The following RRP36 variants were observed in gnomAD, a reference collection of about 807,000 sequenced individuals.
RRP36 encodes the protein ribosomal RNA processing protein 36 homolog.
RRP36 carries 44 observed loss-of-function variants against 39.8 expected under a neutral mutation model. That is an observed-to-expected ratio of 1.10 (90% CI 0.87 to 1.42). The LOEUF (loss-of-function observed/expected upper bound fraction) is 1.42. RRP36 is among the 40% of genes most tolerant of loss of function. RRP36 has a pLI of 0.00. For synonymous variants in RRP36, 124 were observed against 123.1 expected, an observed-to-expected ratio of 1.01 and a Z score of -0.05; for missense variants, 316 against 322.4, an observed-to-expected ratio of 0.98 and a Z score of 0.15.
chr6:43,029,289 T>C lies in RRP36; in HGVS notation c.*61T>C. The C allele has an allele frequency of 2.5e-6, 4 of 1,590,504 alleles. No homozygotes were observed. The highest frequency in any genetic ancestry group is 3.4e-6 in the Non-Finnish European group (4 of 1,163,094). On this transcript the variant is annotated 3_prime_UTR_variant, in exon 7 of 7. Transcript: ENST00000244496. Reference sequence around the variant, plus strand: ...GAGACATGGATCTGTGAGGACAGATTTGGCCACGGCTGGTTTCCGTTCAAG... The same window carrying C: ...GAGACATGGATCTGTGAGGACAGATCTGGCCACGGCTGGTTTCCGTTCAAG...
At chr6:43,027,331 C>A in intron 5 of RRP36, 29 bp from the exon 6 acceptor site, 2 of 1,610,774 alleles carry the variant, frequency 1.2e-6, no homozygotes, top group South Asian at 1.1e-5. Flanking sequence ...AGATCCCTCC[C>A]GTTCACCCAT....
chr6:43,027,762 TAC>T (rs57851236), intron 6 of RRP36, among the ~76,000 whole-genome samples: 2,823 of 81,372 alleles, frequency 0.035, 49 homozygotes, highest in South Asian at 0.047. Flanking sequence ...TGGTCTACAC[TAC>T]ACACACACAC....
chr6:43,025,984 A>C, intron 3 of RRP36, 53 bp from the exon 4 acceptor site: 1 of 1,349,062 alleles, frequency 7.4e-7, no homozygotes, highest in Non-Finnish European at 1.0e-6. Context: ...ACTTTTTCTC[A>C]GTGAAAGGAG....
At chr6:43,025,837 G>A (rs1326689106) in intron 3 of RRP36, among the ~76,000 whole-genome samples, 200 bp from the exon 4 acceptor site, 1 of 152,034 alleles carries the variant, frequency 6.6e-6, no homozygotes, top group African/African-American at 2.4e-5. Context: ...GGAGGCTGAG[G>A]CAGGAGAATG....
intron 6 of RRP36, 68 bp downstream of exon 6, chr6:43,027,545 T>G (rs1278044501): frequency 7.6e-7 from 1 of 1,308,826 alleles, no homozygotes; most frequent in Admixed American, 1.8e-5. Context: ...AGTCTTGTGT[T>G]GGGGTGTCCC....
Position 43,021,663 on chromosome 6 carries a change from A to C in RRP36, c.9A>C (p.Gly3=), listed in dbSNP as rs1762711337. ...AGCGCTACTGCCAGCTGATGCCGGG[A>C]GCTAACTACCGCGCCGGGGCCGGGG... The part of the protein sequence containing the change: MP[G]ANYRAGAGAG... Residue 3 remains glycine, a synonymous_variant, in exon 1 of 7, where the codon GGA becomes GGC. Transcript: ENST00000244496. 4 of 1,275,336 alleles carry C rather than the reference A, an allele frequency of 3.1e-6. No individual in the cohort carries two copies. Among genetic ancestry groups the C allele is most frequent in the Middle Eastern group, 3.1e-4 (1 of 3,244 alleles). The allele number at this position is 1,275,336 out of a possible 1,614,324, so 79.0% of individuals were successfully genotyped here. A position where few individuals can be genotyped will look rare whatever the true frequency, so the allele number is the denominator to read the frequency against.
intron 6 of RRP36, among the ~76,000 whole-genome samples, chr6:43,027,780 C>CACAAACACACAA: frequency 7.4e-6 from 1 of 135,356 alleles, no homozygotes; most frequent in Non-Finnish European, 1.5e-5. Flanking sequence ...CACACACACA[C>CACAAACACACAA]ACACACACAC....
At chr6:43,025,939 C>CAA in intron 3 of RRP36, 98 bp from the exon 4 acceptor site, 2 of 871,850 alleles carry the variant, frequency 2.3e-6, no homozygotes, top group Non-Finnish European at 3.5e-6. Flanking sequence ...TCTCAAAAAG[C>CAA]AAAAAAAAAG....
Position 43,027,476 on chromosome 6 carries a change from A to C in RRP36, c.642A>C (p.Lys214Asn). The change falls in exon 6 of 7, where the codon AAA becomes AAC. Residue 214 changes from lysine (K) to asparagine (N), a missense_variant and splice_region_variant. Lys to Asn is a moderately conservative substitution (Grantham distance 94). Transcript: ENST00000244496. Reference sequence around the variant, plus strand: ...GCCATCGGCCATACTTCCTGAAAAAATGTGAGTTGGGCACAACTGTTGCTA... The same window carrying C: ...GCCATCGGCCATACTTCCTGAAAAACTGTGAGTTGGGCACAACTGTTGCTA... ...QQGHRPYFLK[K>N]SEQRQLALAE... is the part of the protein sequence containing the mutation. 1 of 1,612,924 alleles carries C rather than the reference A, an allele frequency of 6.2e-7. No homozygotes were observed. Among genetic ancestry groups the C allele is most frequent in the African/African-American group, 1.3e-5 (1 of 75,020 alleles).
Position 43,025,296 on chromosome 6 carries a change from A to G in RRP36, c.312A>G (p.Pro104=), listed in dbSNP as rs1315251583. ...PLEMSAKIRV[P]FLRQVVPISK... is the part of the protein sequence containing the mutation. ...AAATGTCAGCCAAGATCCGAGTACC[A>G]TTTTTACGTCAGGTTGTTCCCATTA... Residue 104 remains proline (P), a synonymous_variant, in exon 3 of 7, where the codon CCA becomes CCG. Coordinates refer to ENST00000244496, the MANE Select transcript of RRP36 (RefSeq NM_033112.4). 2.5e-6 allele frequency: 4 copies of G among 1,613,926 alleles called. No homozygotes were observed. The highest frequency in any genetic ancestry group is 1.1e-5 in the South Asian group (1 of 91,086).
At chr6:43,026,195 C>A in intron 4 of RRP36, 54 bp downstream of exon 4, 2 of 1,319,602 alleles carry the variant, frequency 1.5e-6, no homozygotes, top group Non-Finnish European at 1.1e-6. Context: ...AAAATGAGGG[C>A]ACAGGTTAGA....
chr6:43,022,696 G>T (rs190436171), intron 1 of RRP36, among the ~76,000 whole-genome samples: 309 of 146,268 alleles, frequency 2.1e-3, no homozygotes, highest in African/African-American at 7.4e-3. Context: ...GCAGTAGCGC[G>T]ATCTCAGCTC....
Position 43,027,373 on chromosome 6 carries a change from TGGCACAGCAG to T in RRP36, c.541_550del (p.Ala181AsnfsTer12). The T allele has an allele frequency of 1.2e-6, 2 of 1,614,130 alleles. No individual in the cohort carries two copies. The highest frequency in any genetic ancestry group is 2.2e-5 in the South Asian group (2 of 91,070). ...TTTGCTCCTCAGGAGCAGCAAGAAATGGCACAGCAGGAACGAAAGCAACAGCAGGAGCTGC... is the reference window on the plus strand; with the variant it reads ...TTTGCTCCTCAGGAGCAGCAAGAAATGAACGAAAGCAACAGCAGGAGCTGC... On this transcript the variant is annotated frameshift_variant, in exon 6 of 7. Coordinates refer to ENST00000244496, the MANE Select transcript of RRP36 (RefSeq NM_033112.4). LOFTEE classifies it high-confidence loss of function.
chr6:43,025,631 A>AG (rs1762798844), intron 3 of RRP36, among the ~76,000 whole-genome samples: 1 of 149,866 alleles, frequency 6.7e-6, no homozygotes, highest in Admixed American at 6.7e-5. Context: ...TCAAAAAAAA[A>AG]AAAAAAAAAA....
At chr6:43,028,602 C>T (rs1345436673) in intron 6 of RRP36, among the ~76,000 whole-genome samples, 1 of 149,640 alleles carries the variant, frequency 6.7e-6, no homozygotes, top group Non-Finnish European at 1.5e-5. Context: ...GAGCTGAAAT[C>T]GTGCCACAGC....
chr6:43,027,138 T>G (rs201001177), intron 4 of RRP36, 40 bp from the exon 5 acceptor site: 1 of 1,576,400 alleles, frequency 6.3e-7, no homozygotes, highest in Non-Finnish European at 8.7e-7. Flanking sequence ...AGCTAACATT[T>G]GCAGAATGCT....
intron 4 of RRP36, among the ~76,000 whole-genome samples, chr6:43,026,670 C>T (rs1561863469): frequency 6.8e-6 from 1 of 146,070 alleles, no homozygotes; most frequent in Non-Finnish European, 1.5e-5. Context: ...AAGACTGTCT[C>T]CAAACAAACA....
chr6:43,026,727 G>A (rs1215257597), intron 4 of RRP36, among the ~76,000 whole-genome samples: 4 of 151,962 alleles, frequency 2.6e-5, no homozygotes, highest in Admixed American at 6.6e-5. Context: ...ACTTCTGGCC[G>A]GGTGCGGTGG....
rs1762810690 is a variant in RRP36 at position 43,026,137 on chromosome 6, AAG to A, written c.449_450del (p.Glu150AlafsTer16). On this transcript the variant is annotated frameshift_variant and splice_region_variant, in exon 4 of 7. Coordinates refer to ENST00000244496, the MANE Select transcript of RRP36 (RefSeq NM_033112.4). LOFTEE classifies it high-confidence loss of function. ...TTGAATGACATCCGAGCGAAAGAGA[AAG>A]AGGTATACAGCTTGAGACTGGTTTA... 4 of 1,611,100 alleles carry A rather than the reference AAG, an allele frequency of 2.5e-6. No individual in the cohort carries two copies. The highest frequency in any genetic ancestry group is 3.4e-6 in the Non-Finnish European group (4 of 1,177,476).
Sources: gnomAD v4.1 joint callset for allele counts (sites outside exome capture counted in the v4.1 genomes callset) on GRCh38, gnomAD v4.1.1 for gene constraint, MANE v1.5 for transcripts, NCBI Gene and HGNC (gene_info 2026-07-23, HGNC 2026-07-21) for gene names.